The following CRADD variants were observed in gnomAD, a reference collection of about 807,000 sequenced individuals.
CRADD encodes CARD and death domain containing adaptor protein.
CRADD carries 9 observed loss-of-function variants against 15.5 expected under a neutral mutation model. The ratio of observed to expected loss-of-function variants is 0.58; its 90% confidence interval spans 0.35 to 1.01. The LOEUF (loss-of-function observed/expected upper bound fraction) is 1.01, where lower values mean the gene tolerates loss of function less well. Among genes scored for constraint, CRADD ranks in the 50% least tolerant of loss-of-function variants. The pLI is 0.02. For synonymous variants in CRADD, 118 were observed against 107.6 expected, an observed-to-expected ratio of 1.10 and a Z score of -0.60; for missense variants, 227 against 250.3, an observed-to-expected ratio of 0.91 and a Z score of 0.63.
At chr12:93,784,556 G>T (rs776484106) in intron 2 of CRADD, among the ~76,000 whole-genome samples, 11 of 152,048 alleles carry the variant, frequency 7.2e-5, no homozygotes, top group Non-Finnish European at 1.6e-4. Flanking sequence ...AGCTGTCATG[G>T]TTTGGCCCTC....
intron 2 of CRADD, among the ~76,000 whole-genome samples, chr12:93,814,377 A>T (rs1299403560): frequency 1.3e-5 from 2 of 152,166 alleles, no homozygotes; most frequent in Non-Finnish European, 2.9e-5. Context: ...TTTTGAATGA[A>T]ATGAGTAAAG....
chr12:93,854,571 G>A (rs114366553), downstream of CRADD, among the ~76,000 whole-genome samples: 3,077 of 152,246 alleles, frequency 0.02, 111 homozygotes, highest in African/African-American at 0.068. Context: ...ATCCACCACA[G>A]CCAATATTTT....
At chr12:93,752,315 A>C (rs746201805) in intron 2 of CRADD, among the ~76,000 whole-genome samples, 2 of 152,234 alleles carry the variant, frequency 1.3e-5, no homozygotes, top group Non-Finnish European at 2.9e-5. Flanking sequence ...CATTCTATTT[A>C]GGCCTGCTAA....
chr12:93,887,483 A>G (rs954285792), intron 2 of CRADD, among the ~76,000 whole-genome samples: 2 of 152,258 alleles, frequency 1.3e-5, no homozygotes, highest in Admixed American at 6.5e-5. Flanking sequence ...GTTCTTAAAT[A>G]TGTCGAAGGA....
At chr12:93,723,127 A>C (rs1956294253) in intron 2 of CRADD, among the ~76,000 whole-genome samples, 1 of 152,236 alleles carries the variant, frequency 6.6e-6, no homozygotes, top group African/African-American at 2.4e-5. Flanking sequence ...AAAATATAGG[A>C]GGAATTTACT....
intron 2 of CRADD, among the ~76,000 whole-genome samples, chr12:93,786,559 C>CT (rs1957279927): frequency 3.9e-5 from 6 of 152,206 alleles, no homozygotes; most frequent in Admixed American, 3.3e-4. Context: ...GTAGTAGATG[C>CT]CAGCGCTTCT....
intron 2 of CRADD, among the ~76,000 whole-genome samples, chr12:93,694,370 A>G (rs182789607): frequency 3.9e-5 from 6 of 152,328 alleles, no homozygotes; most frequent in Admixed American, 2.0e-4. Context: ...TTCATACTCA[A>G]CAGTGGAAAA....
At chr12:93,723,884 G>A (rs75339280) in intron 2 of CRADD, among the ~76,000 whole-genome samples, 3 of 152,262 alleles carry the variant, frequency 2.0e-5, no homozygotes, top group African/African-American at 4.8e-5. Context: ...CACATGGAAG[G>A]CTTGAGTGGG....
intron 2 of CRADD, among the ~76,000 whole-genome samples, chr12:93,808,877 C>T (rs934145542): frequency 3.1e-4 from 47 of 151,618 alleles, no homozygotes; most frequent in African/African-American, 1.0e-3. Flanking sequence ...TTTGTGAAGG[C>T]TTCTTTTTAT....
At chr12:93,738,804 GAA>G (rs1484661315) in intron 2 of CRADD, among the ~76,000 whole-genome samples, 1 of 150,444 alleles carries the variant, frequency 6.6e-6, no homozygotes, top group Non-Finnish European at 1.5e-5. Context: ...AAGAAAAAGA[GAA>G]GAGAGAGAGG....
intron 2 of CRADD, among the ~76,000 whole-genome samples, chr12:93,755,244 T>C (rs1158738493): frequency 6.6e-6 from 1 of 152,124 alleles, no homozygotes; most frequent in Non-Finnish European, 1.5e-5. Context: ...TTCAAGATGA[T>C]ATTTGGGTGG....
chr12:93,764,115 C>T (rs978773393), intron 2 of CRADD, among the ~76,000 whole-genome samples: 8 of 151,422 alleles, frequency 5.3e-5, no homozygotes, highest in Non-Finnish European at 1.0e-4. Context: ...TCTTGTAAAT[C>T]ACATTATGGT....
downstream of CRADD, among the ~76,000 whole-genome samples, chr12:93,853,988 A>G (rs115360112): frequency 2.0e-3 from 312 of 152,330 alleles, no homozygotes; most frequent in African/African-American, 6.5e-3. Flanking sequence ...CTTTACATTC[A>G]TCATATGTTA....
At chr12:93,685,332 G>A (rs1183372587) in intron 2 of CRADD, among the ~76,000 whole-genome samples, 1 of 152,148 alleles carries the variant, frequency 6.6e-6, no homozygotes, top group Non-Finnish European at 1.5e-5. Context: ...CAAAATTACA[G>A]CTAGATGGGT....
At chr12:93,807,343 C>T (rs943922155) in intron 2 of CRADD, among the ~76,000 whole-genome samples, 1 of 152,008 alleles carries the variant, frequency 6.6e-6, no homozygotes, top group East Asian at 1.9e-4. Context: ...AGGAATGCTC[C>T]CCATGTCAGG....
At chr12:93,691,456 G>GTTT (rs1955571168) in intron 2 of CRADD, among the ~76,000 whole-genome samples, 1 of 152,084 alleles carries the variant, frequency 6.6e-6, no homozygotes. Context: ...GTTTCACCAT[G>GTTT]TTGGCCAGGC....
intron 2 of CRADD, among the ~76,000 whole-genome samples, chr12:93,892,578 AC>A (rs1391953100): frequency 7.2e-6 from 1 of 139,546 alleles, no homozygotes; most frequent in Non-Finnish European, 1.5e-5. Flanking sequence ...CCTTCAAGGA[AC>A]CCTGTCTGAC....
At chr12:93,847,377 A>G (rs940848211) in intron 2 of CRADD, among the ~76,000 whole-genome samples, 1 of 150,546 alleles carries the variant, frequency 6.6e-6, no homozygotes, top group Non-Finnish European at 1.5e-5. Context: ...AAGAATATAA[A>G]AAGATAAAAA....
intron 2 of CRADD, among the ~76,000 whole-genome samples, chr12:93,833,640 A>G (rs1257692326): frequency 1.3e-5 from 2 of 152,182 alleles, no homozygotes; most frequent in African/African-American, 4.8e-5. Flanking sequence ...CCTCAGCTAT[A>G]CACACTAATT....
Sources: gnomAD v4.1 joint callset for allele counts (sites outside exome capture counted in the v4.1 genomes callset) on GRCh38, gnomAD v4.1.1 for gene constraint, MANE v1.5 for transcripts, NCBI Gene and HGNC (gene_info 2026-07-23, HGNC 2026-07-21) for gene names.